MTERF4: variants seen among roughly 807,000 people sequenced by gnomAD.
MTERF4 encodes transcription termination factor 4, mitochondrial.
Under a neutral mutation model 22.5 loss-of-function variants are expected in MTERF4, and 17 were observed. The ratio of observed to expected loss-of-function variants is 0.75; its 90% CI spans 0.52 to 1.13. The LOEUF (loss-of-function observed/expected upper bound fraction) is 1.13. Among genes scored for constraint, MTERF4 ranks in the 50% most tolerant of loss-of-function variants. The probability of loss-of-function intolerance (pLI) is 0.00; values close to 1 mark genes in which losing one functional copy is unlikely to be tolerated. For synonymous variants in MTERF4, 165 were observed against 175.3 expected (o/e 0.94, Z 0.47); for missense variants, 420 against 466.8 (o/e 0.90, Z 0.92).
At position 241,072,347 on chromosome 2, in the gene MTERF4, G is replaced by A. The variant is rs1348783815; in HGVS notation, n.3815C>T. On this transcript the variant is annotated non_coding_transcript_exon_variant, in exon 5 of 5. Coordinates refer to the MTERF4 transcript ENST00000464344. ...AAGGCTGATGGGCCCAGGTGCCTTG[G>A]GCCCTTCCCACCGGGTTTACTGGGT... is the stretch of plus-strand genomic sequence containing the variant. 7 of 385,772 alleles carry A rather than the reference G, an allele frequency of 1.8e-5. No homozygotes were observed. In the East Asian group the frequency reaches 2.9e-4, roughly 16 times the overall value. 23.9% of individuals were successfully genotyped at this position (385,772 alleles called of 1,614,324 possible).
chr2:241,062,987 CT>C, the MTERF4 span: 3 of 881,900 alleles, frequency 3.4e-6, no homozygotes, highest in South Asian at 1.7e-5. Flanking sequence ...CCGGACAGGT[CT>C]CTGTCTGGAT....
downstream of MTERF4, chr2:241,069,157 C>G (rs188277670): frequency 2.7e-5 from 17 of 631,840 alleles, no homozygotes; most frequent in East Asian, 4.8e-4. The surrounding 1 kb of genome is among the most constrained non-coding windows in gnomAD (Gnocchi z 4.9). Flanking sequence ...CCAGATGTCT[C>G]TTCCGCTGGG....
In MTERF4 at chr2:241,099,386, C is replaced by A; in HGVS notation, c.520+10G>T. 1.2e-6 allele frequency: 2 copies of A among 1,606,298 alleles called. No individual in the cohort carries two copies. Among genetic ancestry groups the A allele is most frequent in the Non-Finnish European group, 8.5e-7 (1 of 1,175,434 alleles). ...CACCGCACCCAGCCAAAATCTGCAA[C>A]TTCTTGTACCTTCTCCAAGCCCAAG... On this transcript the variant is annotated intron_variant, in intron 2 of 3. Transcript: ENST00000391980.
the MTERF4 span, among the ~76,000 whole-genome samples, chr2:241,066,283 C>G: frequency 6.6e-6 from 1 of 152,228 alleles, no homozygotes; most frequent in Non-Finnish European, 1.5e-5. Context: ...AGATGCTGAG[C>G]GCTCTAGGGA....
At chr2:241,047,020 A>G in the MTERF4 span, among the ~76,000 whole-genome samples, 1 of 151,822 alleles carries the variant, frequency 6.6e-6, no homozygotes, top group African/African-American at 2.4e-5. Context: ...GCACGTGCTT[A>G]TAATCCCAGC....
At chr2:241,081,122 G>A (rs1290415904) in intron 4 of MTERF4, among the ~76,000 whole-genome samples, 2 of 152,254 alleles carry the variant, frequency 1.3e-5, no homozygotes, top group Non-Finnish European at 2.9e-5. Context: ...TGGGCTGGCT[G>A]GGGGTGCACA....
chr2:241,047,165 A>T, the MTERF4 span, among the ~76,000 whole-genome samples: 4 of 90,892 alleles, frequency 4.4e-5, no homozygotes, highest in African/African-American at 2.0e-4. Flanking sequence ...AAAAAAAAAA[A>T]AAAAGTAAAT....
At chr2:241,067,036 C>T in the MTERF4 span, among the ~76,000 whole-genome samples, 1 of 152,216 alleles carries the variant, frequency 6.6e-6, no homozygotes, top group African/African-American at 2.4e-5. Flanking sequence ...GGTGGCTCGC[C>T]TGGGCTGTTT....
rs771340882 is a variant in MTERF4 at position 241,099,712 on chromosome 2, C to T, written c.204G>A (p.Glu68=). Reference sequence around the variant, plus strand: ...GGCACTGAACAAGATTCCTCCTGCACTCTGGTTCCTGCACATAGTTATTGG... The same window carrying T: ...GGCACTGAACAAGATTCCTCCTGCATTCTGGTTCCTGCACATAGTTATTGG... The part of the protein sequence containing the change: ...VRSNNYVQEP[E]CRRNLVQCLL... Residue 68 remains glutamate, a synonymous_variant, in exon 2 of 4, where the codon GAG becomes GAA. Transcript: ENST00000391980. 1 of 1,614,108 alleles carries T rather than the reference C, an allele frequency of 6.2e-7. No individual in the cohort carries two copies. Among genetic ancestry groups the T allele is most frequent in the South Asian group, 1.1e-5 (1 of 91,084 alleles).
chr2:241,090,035 T>A (rs2063819469), downstream of MTERF4: 2 of 1,546,442 alleles, frequency 1.3e-6, no homozygotes, highest in East Asian at 2.4e-5. Flanking sequence ...TGCACAATAA[T>A]AAATTAGTCC....
the MTERF4 span, among the ~76,000 whole-genome samples, chr2:241,058,971 A>T: frequency 6.6e-6 from 1 of 152,092 alleles, no homozygotes; most frequent in African/African-American, 2.4e-5. Context: ...AATCATTAAC[A>T]TTGATAAACC....
the MTERF4 span, chr2:241,049,840 G>T: frequency 6.2e-7 from 1 of 1,613,804 alleles, no homozygotes; most frequent in Non-Finnish European, 8.5e-7. Flanking sequence ...CTGCGACTCG[G>T]ACCCCTGCTT....
At chr2:241,088,342 C>T (rs201432782), downstream of MTERF4, 13 of 1,583,792 alleles carry the variant, frequency 8.2e-6, no homozygotes, top group East Asian at 2.2e-5. Flanking sequence ...TTTCATTAAA[C>T]GACTTTTCTC....
At position 241,095,990 on chromosome 2, in the gene MTERF4, C is replaced by T. The variant is rs1464940208; in HGVS notation, c.*8G>A. 3.7e-6 allele frequency: 6 copies of T among 1,613,104 alleles called. No homozygotes were observed. Among genetic ancestry groups the T allele is most frequent in the African/African-American group, 2.7e-5 (2 of 75,014 alleles). ...CTGGGCCCTTTCGCTCTAGTCCTTC[C>T]ATCACAGCTATTCCTCCTCGTCGTC... On this transcript the variant is annotated 3_prime_UTR_variant, in exon 4 of 4. Transcript: ENST00000391980.
At chr2:241,071,438 T>A, downstream of MTERF4, 1 of 998,446 alleles carries the variant, frequency 1.0e-6, no homozygotes, top group Non-Finnish European at 1.5e-6. Context: ...GCACCTTGGA[T>A]GACCACGGCC....
the MTERF4 span, among the ~76,000 whole-genome samples, chr2:241,059,937 G>A: frequency 6.6e-6 from 1 of 152,046 alleles, no homozygotes; most frequent in African/African-American, 2.4e-5. Flanking sequence ...ATAAAAGGAA[G>A]GAAAGGAAGA....
At chr2:241,061,663 G>T in the MTERF4 span, among the ~76,000 whole-genome samples, 6 of 152,106 alleles carry the variant, frequency 3.9e-5, no homozygotes, top group Non-Finnish European at 8.8e-5. Flanking sequence ...GAGGCAGGCG[G>T]ATCACGAAGT....
At chr2:241,058,058 A>G in the MTERF4 span, among the ~76,000 whole-genome samples, 2 of 152,222 alleles carry the variant, frequency 1.3e-5, no homozygotes, top group African/African-American at 4.8e-5. Flanking sequence ...GCACTCTTAG[A>G]CATTCCTAAA....
At chr2:241,051,426 G>C in the MTERF4 span, 1 of 289,786 alleles carries the variant, frequency 3.5e-6, no homozygotes, top group African/African-American at 2.2e-5. The surrounding 1 kb of genome is among the most constrained non-coding windows in gnomAD (Gnocchi z 4.7). Context: ...GCAGGAGGGA[G>C]GGAGTGCTGC....
Sources: gnomAD v4.1 joint callset for allele counts (sites outside exome capture counted in the v4.1 genomes callset) on GRCh38, gnomAD v4.1.1 for gene constraint, Gnocchi (gnomAD v3.1) non-coding constraint, MANE v1.5 for transcripts, NCBI Gene and HGNC (gene_info 2026-07-23, HGNC 2026-07-21) for gene names.